Variants in AGAP1 observed in about 807,000 individuals in gnomAD.
The protein encoded by AGAP1 is arf-GAP with GTPase, ANK repeat and PH domain-containing protein 1.
A neutral mutation model predicts 105.3 loss-of-function variants in AGAP1; 29 were observed. The observed-to-expected ratio is 0.28, with a 90% CI of 0.21 to 0.38. AGAP1 has a LOEUF of 0.38. AGAP1 is among the 10% of genes least tolerant of loss of function. The pLI is 1.00. For synonymous variants in AGAP1, 509 were observed against 485.9 expected (o/e 1.05, Z -0.63); for missense variants, 998 against 1,165.1 (o/e 0.86, Z 2.09).
intron 1 of AGAP1, among the ~76,000 whole-genome samples, chr2:235,588,376 T>C (rs1945200423): frequency 6.6e-6 from 1 of 152,150 alleles, no homozygotes; most frequent in Admixed American, 6.6e-5. Flanking sequence ...CCTCCACTTC[T>C]CTACACTCAA....
chr2:235,981,384 G>A lies in AGAP1; in HGVS notation c.1645+12761G>A, dbSNP rs770959672. Among the ~76,000 whole-genome samples, 10 of 151,898 alleles carry A rather than the reference G, an allele frequency of 6.6e-5. No homozygotes were observed. Among genetic ancestry groups the A allele is most frequent in the Non-Finnish European group, 1.3e-4 (9 of 67,998 alleles). The stretch of plus-strand genomic sequence containing the variant: ...TTTTCTGCAGAAGCCATGATATACT[G>A]TAGGCATGGTTACCAGAACACCCCT... On this transcript the variant is annotated intron_variant, in intron 13 of 17. Transcript: ENST00000304032. This position sits in a 1 kb window ranked among gnomAD's most constrained non-coding sequence, Gnocchi z 5.5.
chr2:235,497,599 C>G (rs747718669), intron 1 of AGAP1, among the ~76,000 whole-genome samples: 3 of 152,050 alleles, frequency 2.0e-5, no homozygotes, highest in African/African-American at 7.2e-5. Context: ...GATGTGGGCA[C>G]TTCTTTTTTT....
In AGAP1 at chr2:235,793,976, C is replaced by G. The variant is rs574641362; in HGVS notation, c.674-3783C>G. 9.9e-5 allele frequency among the ~76,000 whole-genome samples: 15 copies of G among 152,038 alleles called. No homozygotes were observed. In the South Asian group the frequency reaches 3.1e-3, roughly 32 times the overall value. The stretch of plus-strand genomic sequence containing the variant: ...TTTTTTTATTATTGAAGAATGGAAA[C>G]ATACATGAAAGTGTATTTGGGCTTA... On this transcript the variant is annotated intron_variant, in intron 6 of 17. Transcript: ENST00000304032. This position sits in a 1 kb window ranked among gnomAD's most constrained non-coding sequence, Gnocchi z 5.3.
rs1017986794 is a variant in AGAP1 at position 235,919,580 on chromosome 2, T to C, written c.1324+10674T>C. 6.6e-5 allele frequency among the ~76,000 whole-genome samples: 10 copies of C among 152,084 alleles called. No individual in the cohort carries two copies. The highest frequency in any genetic ancestry group is 2.4e-4 in the African/African-American group (10 of 41,402). ...AACTGGAAAGCAGAGAAAGAAGTAG[T>C]AGTGAATACTTCTCAGGATAGAGCT... On this transcript the variant is annotated intron_variant, in intron 11 of 17. Transcript: ENST00000304032. This position sits in a 1 kb window ranked among gnomAD's most constrained non-coding sequence, Gnocchi z 4.1.
At chr2:236,116,357 C>CTTTTTTTTTTTTTTTTTTTT (rs371846381) in intron 16 of AGAP1, among the ~76,000 whole-genome samples, 4 of 129,142 alleles carry the variant, frequency 3.1e-5, no homozygotes, top group Admixed American at 7.9e-5. Flanking sequence ...TAATTAAGTT[C>CTTTTTTTTTTTTTTTTTTTT]TTTTTTTTTT....
rs752386673 is a variant in AGAP1 at position 236,114,920 on chromosome 2, A to C, written c.2115-5272A>C. ...ACTCTGACAGCTATGAGGTCATTTA[A>C]ACCAGCCAGACTCCTTCTTACCCCA... On this transcript the variant is annotated intron_variant, in intron 16 of 17. Transcript: ENST00000304032. This position sits in a 1 kb window ranked among gnomAD's most constrained non-coding sequence, Gnocchi z 5.0. Among the ~76,000 whole-genome samples, 1 of 152,092 alleles carries C rather than the reference A, an allele frequency of 6.6e-6. No individual in the cohort carries two copies. The highest frequency in any genetic ancestry group is 1.5e-5 in the Non-Finnish European group (1 of 68,014).
chr2:235,534,085 G>A (rs1175727119), intron 1 of AGAP1, among the ~76,000 whole-genome samples: 1 of 152,208 alleles, frequency 6.6e-6, no homozygotes, highest in African/African-American at 2.4e-5. Context: ...GCAGTCCTGT[G>A]GGCCGCAGAA....
At chr2:235,784,167 C>G (rs571656246) in intron 6 of AGAP1, among the ~76,000 whole-genome samples, 1 of 152,084 alleles carries the variant, frequency 6.6e-6, no homozygotes, top group South Asian at 2.1e-4. Flanking sequence ...TTAAAAATGT[C>G]ATTGTAGGTC....
Position 235,977,300 on chromosome 2 carries a change from G to A in AGAP1, c.1645+8677G>A, listed in dbSNP as rs1004477243. Among the ~76,000 whole-genome samples, 6 of 152,102 alleles carry A rather than the reference G, an allele frequency of 3.9e-5. No homozygotes were observed. Among genetic ancestry groups the A allele is most frequent in the Admixed American group, 6.5e-5 (1 of 15,284 alleles). On this transcript the variant is annotated intron_variant, in intron 13 of 17. Coordinates refer to ENST00000304032, the MANE Select transcript of AGAP1 (RefSeq NM_001037131.3). The surrounding 1 kb of genome is among the most constrained non-coding windows in gnomAD (Gnocchi z 5.2). ...AAATGTTTGAGCTCTGAGGCTTTTC[G>A]GATGTCATTTAAGTCTCGGTGAAAT...
rs1028962427 is a variant in AGAP1, at chr2:235,689,731, A to G, written c.164-19448A>G. Among the ~76,000 whole-genome samples, 1 of 152,212 alleles carries G rather than the reference A, an allele frequency of 6.6e-6. No individual in the cohort carries two copies. The highest frequency in any genetic ancestry group is 2.4e-5 in the African/African-American group (1 of 41,462). On this transcript the variant is annotated intron_variant, in intron 1 of 17. Coordinates refer to ENST00000304032, the MANE Select transcript of AGAP1 (RefSeq NM_001037131.3). This position sits in a 1 kb window ranked among gnomAD's most constrained non-coding sequence, Gnocchi z 4.2. ...CTTTTCAGGACAGTCATAGAGCTGC[A>G]CTGTTGGTAAACTGTCCTGCATGTG... is the stretch of plus-strand genomic sequence containing the variant.
Position 235,934,682 on chromosome 2 carries a change from A to G in AGAP1, c.1483+3759A>G, listed in dbSNP as rs984491458. On this transcript the variant is annotated intron_variant, in intron 12 of 17. Coordinates refer to ENST00000304032, the MANE Select transcript of AGAP1 (RefSeq NM_001037131.3). The surrounding 1 kb of genome is among the most constrained non-coding windows in gnomAD (Gnocchi z 4.9). ...GGTGATATAAGTCCCCCCTGCCCCC[A>G]CTTCCTTTTCGAATGTATCTGCCCC... 8.0e-5 allele frequency among the ~76,000 whole-genome samples: 12 copies of G among 150,418 alleles called. No homozygotes were observed. Among genetic ancestry groups the G allele is most frequent in the African/African-American group, 2.9e-4 (12 of 40,812 alleles).
chr2:236,079,605 CAT>C (rs1348041150), intron 16 of AGAP1, among the ~76,000 whole-genome samples: 1 of 151,274 alleles, frequency 6.6e-6, no homozygotes, highest in Non-Finnish European at 1.5e-5. Context: ...TACATACATA[CAT>C]ATATATATAG....
chr2:235,951,218 C>T lies in AGAP1; in HGVS notation c.1484-17244C>T, dbSNP rs1177238988. On this transcript the variant is annotated intron_variant, in intron 12 of 17. Coordinates refer to ENST00000304032, the MANE Select transcript of AGAP1 (RefSeq NM_001037131.3). This position sits in a 1 kb window ranked among gnomAD's most constrained non-coding sequence, Gnocchi z 4.2. Reference sequence around the variant, plus strand: ...GCTGTGCTTTAGAAGACACTTCCGACTTTGATCTGCAGTTGCGGATGAAGA... The same window carrying T: ...GCTGTGCTTTAGAAGACACTTCCGATTTTGATCTGCAGTTGCGGATGAAGA... Among the ~76,000 whole-genome samples the T allele has an allele frequency of 6.6e-5, 10 of 152,200 alleles. No homozygotes were observed. The highest frequency in any genetic ancestry group is 3.9e-4 in the Admixed American group (6 of 15,270).
Position 235,662,629 on chromosome 2 carries a change from C to T in AGAP1, c.164-46550C>T, listed in dbSNP as rs1164183328. Among the ~76,000 whole-genome samples the T allele has an allele frequency of 6.6e-6, 1 of 151,868 alleles. No individual in the cohort carries two copies. The highest frequency in any genetic ancestry group is 1.5e-5 in the Non-Finnish European group (1 of 67,990). On this transcript the variant is annotated intron_variant, in intron 1 of 17. Transcript: ENST00000304032. The surrounding 1 kb of genome is among the most constrained non-coding windows in gnomAD (Gnocchi z 4.2). ...TCAAGCGATTTTTCTGCCTCAGCCT[C>T]CCAAGTAGCTGGGATTACAGGTGTG...
intron 12 of AGAP1, among the ~76,000 whole-genome samples, chr2:235,950,604 C>T (rs2053691125): frequency 6.6e-6 from 1 of 151,646 alleles, no homozygotes; most frequent in Admixed American, 6.6e-5. Flanking sequence ...GAAGAATGAC[C>T]AGAGCTTTCT....
chr2:235,926,400 T>TA (rs2052446986), intron 11 of AGAP1, among the ~76,000 whole-genome samples: 1 of 152,198 alleles, frequency 6.6e-6, no homozygotes, highest in Non-Finnish European at 1.5e-5. Context: ...ATGGGCGTGT[T>TA]AACCCAGCAT....
chr2:235,915,881 C>T (rs1026512215), intron 11 of AGAP1, among the ~76,000 whole-genome samples: 30 of 152,064 alleles, frequency 2.0e-4, no homozygotes, highest in African/African-American at 7.0e-4. Flanking sequence ...GGAGGCTCTG[C>T]AAAAATACAA....
At position 236,119,005 on chromosome 2, in the gene AGAP1, C is replaced by T. The variant is rs1258259963; in HGVS notation, c.2115-1187C>T. On this transcript the variant is annotated intron_variant, in intron 16 of 17. Transcript: ENST00000304032. This position sits in a 1 kb window ranked among gnomAD's most constrained non-coding sequence, Gnocchi z 6.6. ...CATGCCTTACTGTTGGTTTCCTCTT[C>T]TATTTGTTAAGCTTCTCATCTCATC... is the stretch of plus-strand genomic sequence containing the variant. Among the ~76,000 whole-genome samples the T allele has an allele frequency of 1.3e-5, 2 of 152,120 alleles. No individual in the cohort carries two copies. Among genetic ancestry groups the T allele is most frequent in the Non-Finnish European group, 2.9e-5 (2 of 68,028 alleles).
At chr2:235,524,324 AT>A (rs1471604351) in intron 1 of AGAP1, 4 of 170,088 alleles carry the variant, frequency 2.4e-5, no homozygotes, top group African/African-American at 7.2e-5. Context: ...CTGCCTTCTT[AT>A]CCGGTTTGGC....
Sources: allele counts gnomAD v4.1 joint callset (sites outside exome capture counted in the v4.1 genomes callset), GRCh38; gene constraint gnomAD v4.1.1; non-coding constraint Gnocchi (gnomAD v3.1); transcripts MANE v1.5; gene names NCBI Gene and HGNC (gene_info 2026-07-23, HGNC 2026-07-21).